Variants in FHIT observed in about 807,000 individuals in gnomAD.
FHIT encodes bis(5'-adenosyl)-triphosphatase.
Under a neutral mutation model 17.9 loss-of-function variants are expected in FHIT, and 19 were observed. The ratio of observed to expected loss-of-function variants is 1.06; its 90% CI spans 0.74 to 1.56. The LOEUF is 1.56. Among genes scored for constraint, FHIT ranks in the 40% most tolerant of loss-of-function variants. FHIT has a pLI of 0.00. For synonymous variants in FHIT, 81 were observed against 69.7 expected (o/e 1.16, Z -0.81); for missense variants, 248 against 189.2 (o/e 1.31, Z -1.82).
chr3:60,665,760 T>C (rs2040366798), intron 4 of FHIT, among the ~76,000 whole-genome samples: 1 of 152,114 alleles, frequency 6.6e-6, no homozygotes, highest in South Asian at 2.1e-4. Flanking sequence ...GTTTAGATGA[T>C]TTACCTTCAA....
chr3:60,555,207 C>T (rs2036702264), intron 4 of FHIT, among the ~76,000 whole-genome samples: 1 of 152,004 alleles, frequency 6.6e-6, no homozygotes, highest in Admixed American at 6.6e-5. Context: ...TACTGATTCC[C>T]TGTGTTCTTC....
intron 4 of FHIT, among the ~76,000 whole-genome samples, chr3:60,565,541 A>G (rs181351706): frequency 6.6e-6 from 1 of 152,326 alleles, no homozygotes. Context: ...TTCATTTACA[A>G]AAAAGGGAAA....
At chr3:59,756,122 G>A (rs966137610) in intron 8 of FHIT, among the ~76,000 whole-genome samples, 4 of 152,176 alleles carry the variant, frequency 2.6e-5, no homozygotes, top group African/African-American at 9.7e-5. Flanking sequence ...CCTAATGACA[G>A]CGAGCACTAA....
intron 5 of FHIT, among the ~76,000 whole-genome samples, chr3:60,250,385 G>C (rs1212305899): frequency 6.6e-6 from 1 of 152,134 alleles, no homozygotes; most frequent in African/African-American, 2.4e-5. Context: ...GACAATTCAA[G>C]AGCATTATTG....
At chr3:60,420,780 T>C (rs1031557552) in intron 5 of FHIT, among the ~76,000 whole-genome samples, 2 of 152,198 alleles carry the variant, frequency 1.3e-5, no homozygotes, top group African/African-American at 2.4e-5. Context: ...GTGTTATAAA[T>C]GCTGCTTCAC....
chr3:60,561,934 G>C (rs1401592562), intron 4 of FHIT, among the ~76,000 whole-genome samples: 1 of 146,122 alleles, frequency 6.8e-6, no homozygotes, highest in Non-Finnish European at 1.5e-5. Flanking sequence ...GAAAGAAAAA[G>C]AGAAAGAGAG....
At chr3:60,414,132 A>G (rs1702161363) in intron 5 of FHIT, among the ~76,000 whole-genome samples, 1 of 152,210 alleles carries the variant, frequency 6.6e-6, no homozygotes, top group South Asian at 2.1e-4. Context: ...ATGAATCCAA[A>G]TTCTAGGATC....
chr3:60,084,694 A>G (rs1703425308), intron 5 of FHIT, among the ~76,000 whole-genome samples: 1 of 152,158 alleles, frequency 6.6e-6, no homozygotes, highest in Non-Finnish European at 1.5e-5. Context: ...GACTCAGCAT[A>G]TAGGTGTTTG....
intron 4 of FHIT, among the ~76,000 whole-genome samples, chr3:60,647,967 T>C (rs182817394): frequency 1.3e-5 from 2 of 152,246 alleles, no homozygotes; most frequent in African/African-American, 4.8e-5. Context: ...TGAAATAAAA[T>C]GTTAACAAGA....
intron 5 of FHIT, among the ~76,000 whole-genome samples, chr3:60,395,533 A>C (rs572656099): frequency 6.6e-6 from 1 of 152,316 alleles, no homozygotes; most frequent in East Asian, 1.9e-4. Flanking sequence ...TCGAGAGACA[A>C]AAGCGAATGA....
rs71092647 is a variant in FHIT at position 60,859,723 on chromosome 3, A to ATTTTTTTTTTTTTTTTTTTTT, written c.-110-37733_-110-37713dup. Among the ~76,000 whole-genome samples, 17 of 51,926 alleles carry ATTTTTTTTTTTTTTTTTTTTT rather than the reference A, an allele frequency of 3.3e-4. 2 individuals carry two copies. Among genetic ancestry groups the ATTTTTTTTTTTTTTTTTTTTT allele is most frequent in the Non-Finnish European group, 5.1e-4 (15 of 29,368 alleles). The allele number at this position is 51,926 out of a possible 152,430, so 34.1% of individuals were successfully genotyped here. ...ACATTTGCAGTGGATTCTGAATACG[A>ATTTTTTTTTTTTTTTTTTTTT]TTTTTTTTTTTTTTTTTTTTTTTTT... On this transcript the variant is annotated intron_variant, in intron 3 of 9. Transcript: ENST00000492590.
intron 8 of FHIT, among the ~76,000 whole-genome samples, chr3:59,902,543 A>G (rs758237826): frequency 2.6e-5 from 4 of 152,138 alleles, no homozygotes; most frequent in Non-Finnish European, 5.9e-5. Flanking sequence ...GCATCAACCT[A>G]AGTATCCACT....
chr3:60,758,885 G>C (rs1328507638), intron 4 of FHIT, among the ~76,000 whole-genome samples: 1 of 152,142 alleles, frequency 6.6e-6, no homozygotes, highest in Non-Finnish European at 1.5e-5. Flanking sequence ...TGGGAGATCA[G>C]CAAGAGGACT....
intron 5 of FHIT, among the ~76,000 whole-genome samples, chr3:60,378,415 G>C (rs1160216409): frequency 6.6e-6 from 1 of 152,182 alleles, no homozygotes; most frequent in Non-Finnish European, 1.5e-5. Flanking sequence ...GAGGCACTCT[G>C]CCTTGCAGAT....
intron 2 of FHIT, among the ~76,000 whole-genome samples, chr3:61,074,697 T>C: frequency 6.6e-6 from 1 of 152,154 alleles, no homozygotes; most frequent in Non-Finnish European, 1.5e-5. Flanking sequence ...AATAGTATTG[T>C]TATTTTTCCT....
At chr3:60,732,382 C>G in intron 4 of FHIT, 1 of 801,694 alleles carries the variant, frequency 1.2e-6, no homozygotes, top group Non-Finnish European at 2.2e-6. Context: ...ATGAAGTTCT[C>G]CTCATCAAAT....
At chr3:60,669,796 T>C (rs1194469942) in intron 4 of FHIT, among the ~76,000 whole-genome samples, 2 of 152,026 alleles carry the variant, frequency 1.3e-5, no homozygotes, top group African/African-American at 4.8e-5. Context: ...GAAATAGGAA[T>C]GATAGAAAAG....
At chr3:60,910,344 G>T (rs377532424) in intron 3 of FHIT, among the ~76,000 whole-genome samples, 7 of 152,062 alleles carry the variant, frequency 4.6e-5, no homozygotes, top group African/African-American at 1.2e-4. Context: ...AGGACTGTGA[G>T]GGGGGTGAGA....
chr3:61,088,730 C>G (rs563887770), intron 2 of FHIT, among the ~76,000 whole-genome samples: 13 of 150,458 alleles, frequency 8.6e-5, no homozygotes, highest in Non-Finnish European at 1.6e-4. Context: ...CAATTCCTTT[C>G]TACTTCTCTA....
Sources: gnomAD v4.1 joint callset for allele counts (sites outside exome capture counted in the v4.1 genomes callset) on GRCh38, gnomAD v4.1.1 for gene constraint, MANE v1.5 for transcripts, NCBI Gene and HGNC (gene_info 2026-07-23, HGNC 2026-07-21) for gene names.